Variants in PRKG1 observed in about 807,000 individuals in gnomAD.
The protein encoded by PRKG1 is cGMP-dependent protein kinase 1.
PRKG1 carries 35 observed loss-of-function variants against 88.1 expected under a neutral mutation model. The observed-to-expected ratio is 0.40, with a 90% CI of 0.30 to 0.53. PRKG1 has a LOEUF of 0.53. Among genes scored for constraint, PRKG1 ranks in the 20% least tolerant of loss-of-function variants. The probability of loss-of-function intolerance (pLI) is 0.59; values close to 1 mark genes in which losing one functional copy is unlikely to be tolerated. For missense variants in PRKG1, 540 were observed against 839.8 expected (o/e 0.64, Z 4.41); for synonymous variants, 303 against 292.5 (o/e 1.04, Z -0.37).
intron 3 of PRKG1, among the ~76,000 whole-genome samples, chr10:51,649,084 T>C (rs765930390): frequency 6.6e-6 from 1 of 152,148 alleles, no homozygotes; most frequent in Non-Finnish European, 1.5e-5. Flanking sequence ...AATTAATCAA[T>C]ATATGAATTG....
chr10:52,154,180 C>G (rs996473893), intron 8 of PRKG1, among the ~76,000 whole-genome samples: 1 of 152,112 alleles, frequency 6.6e-6, no homozygotes, highest in Admixed American at 6.6e-5. Flanking sequence ...TAAATAGATT[C>G]TGAATTTATA....
At chr10:51,420,303 A>G (rs1838373440) in intron 2 of PRKG1, among the ~76,000 whole-genome samples, 1 of 152,178 alleles carries the variant, frequency 6.6e-6, no homozygotes, top group South Asian at 2.1e-4. Context: ...GATTTCTTAA[A>G]TCAATCAGCT....
intron 3 of PRKG1, among the ~76,000 whole-genome samples, chr10:51,535,379 GATCTTTATATTTT>G (rs1419837485): frequency 2.0e-5 from 3 of 152,024 alleles, no homozygotes; most frequent in Non-Finnish European, 2.9e-5. Flanking sequence ...AATGTGTCAG[GATCTTTATATTTT>G]ACCAAGCAAA....
rs564484558 is a variant in PRKG1, at chr10:51,376,657, GTTTTTC to G, written c.479-91062_479-91057del. Among the ~76,000 whole-genome samples, 652 of 151,946 alleles carry G rather than the reference GTTTTTC, an allele frequency of 4.3e-3. 6 individuals carry two copies. The highest frequency in any genetic ancestry group is 0.015 in the African/African-American group (608 of 41,444). Reference sequence around the variant, plus strand: ...TTACTAGGGTTTTGTTTGTTTTCTTGTTTTTCTTTGTTGTTGTTTTTTGTTTGTTTG... The same window carrying G: ...TTACTAGGGTTTTGTTTGTTTTCTTGTTTGTTGTTGTTTTTTGTTTGTTTG... On this transcript the variant is annotated intron_variant, in intron 2 of 17. Transcript: ENST00000373980.
At chr10:51,811,762 C>A (rs2339855) in intron 4 of PRKG1, among the ~76,000 whole-genome samples, 2 of 151,788 alleles carry the variant, frequency 1.3e-5, no homozygotes, top group African/African-American at 4.9e-5. Context: ...AAGATCTTGC[C>A]TAAGTTGTCA....
At chr10:52,275,274 G>C (rs1841845805) in intron 12 of PRKG1, among the ~76,000 whole-genome samples, 1 of 152,036 alleles carries the variant, frequency 6.6e-6, no homozygotes, top group African/African-American at 2.4e-5. Flanking sequence ...TGTCTAGAAG[G>C]GTTTTTCCAA....
At chr10:51,332,830 T>C (rs1281156298) in intron 2 of PRKG1, among the ~76,000 whole-genome samples, 1 of 152,218 alleles carries the variant, frequency 6.6e-6, no homozygotes, top group Non-Finnish European at 1.5e-5. Context: ...CAGACCTAAG[T>C]TCTGAGTGAC....
At chr10:52,039,182 G>A (rs539851198) in intron 5 of PRKG1, among the ~76,000 whole-genome samples, 12 of 152,258 alleles carry the variant, frequency 7.9e-5, no homozygotes, top group Admixed American at 3.3e-4. Context: ...TATTTCACCC[G>A]GGTGCAGGCG....
At chr10:51,439,989 T>G (rs1209441902) in intron 2 of PRKG1, among the ~76,000 whole-genome samples, 1 of 151,956 alleles carries the variant, frequency 6.6e-6, no homozygotes, top group Non-Finnish European at 1.5e-5. Flanking sequence ...TCTTTTAAAG[T>G]AAATATTTAA....
At position 52,232,176 on chromosome 10, in the gene PRKG1, G is replaced by A. The variant is rs148174769; in HGVS notation, c.1077-19394G>A. ...AAATTATCCGGGCATGATGGTGGGCGCCTGTAGTCCCAGCTGCCAAGGAGG... is the reference window on the plus strand; with the variant it reads ...AAATTATCCGGGCATGATGGTGGGCACCTGTAGTCCCAGCTGCCAAGGAGG... On this transcript the variant is annotated intron_variant, in intron 9 of 17. Transcript: ENST00000373980. Among the ~76,000 whole-genome samples, 963 of 152,162 alleles carry A rather than the reference G, an allele frequency of 6.3e-3. 8 individuals are homozygous for A. Among genetic ancestry groups the A allele is most frequent in the African/African-American group, 0.022 (909 of 41,524 alleles).
rs370640777 is a variant in PRKG1, at chr10:52,292,926, G to C, written c.1963-876G>C. Among the ~76,000 whole-genome samples the C allele has an allele frequency of 3.5e-4, 54 of 152,252 alleles. No homozygotes were observed. The East Asian group carries it at 9.3e-3, about 26-fold the overall frequency. ...TTCTGGTCAGGGCAATTAGGCAGGAGAAGTAAATAAAGGGTATTCAATTAG... is the reference window on the plus strand; with the variant it reads ...TTCTGGTCAGGGCAATTAGGCAGGACAAGTAAATAAAGGGTATTCAATTAG... On this transcript the variant is annotated intron_variant, in intron 17 of 17. Coordinates refer to ENST00000373980, the MANE Select transcript of PRKG1 (RefSeq NM_006258.4).
intron 3 of PRKG1, among the ~76,000 whole-genome samples, chr10:51,677,951 G>T (rs1840752733): frequency 6.6e-6 from 1 of 152,076 alleles, no homozygotes; most frequent in African/African-American, 2.4e-5. Context: ...TTTATTATTT[G>T]CAGCATAGGG....
intron 2 of PRKG1, among the ~76,000 whole-genome samples, chr10:51,215,314 C>G (rs1012107807): frequency 7.2e-5 from 11 of 152,174 alleles, no homozygotes; most frequent in Non-Finnish European, 1.6e-4. Flanking sequence ...GTGAATTAGT[C>G]TGTGCAGTTG....
chr10:52,011,691 C>T (rs114321144), intron 5 of PRKG1, among the ~76,000 whole-genome samples: 2,861 of 152,250 alleles, frequency 0.019, 94 homozygotes, highest in African/African-American at 0.065. Flanking sequence ...GTTGACAGAG[C>T]AGATTTTTAA....
chr10:51,762,357 G>A (rs922302176), intron 3 of PRKG1, among the ~76,000 whole-genome samples: 1 of 152,120 alleles, frequency 6.6e-6, no homozygotes, highest in African/African-American at 2.4e-5. Flanking sequence ...CCTAGATGTA[G>A]GTGTTTGGGC....
At chr10:52,041,449 G>A (rs1206831422) in intron 5 of PRKG1, among the ~76,000 whole-genome samples, 1 of 152,076 alleles carries the variant, frequency 6.6e-6, no homozygotes, top group African/African-American at 2.4e-5. Flanking sequence ...TTTTATTGTT[G>A]TGGTCTTGAC....
In PRKG1 at chr10:51,957,260, AGC is replaced by A. The variant is rs1843336356; in HGVS notation, c.762+49691_762+49692del. Among the ~76,000 whole-genome samples the A allele has an allele frequency of 2.1e-5, 3 of 141,188 alleles. No homozygotes were observed. The East Asian group carries it at 6.3e-4, about 30-fold the overall frequency. The allele number at this position is 141,188 out of a possible 152,430, so 92.6% of individuals were successfully genotyped here. On this transcript the variant is annotated intron_variant, in intron 5 of 17. Coordinates refer to ENST00000373980, the MANE Select transcript of PRKG1 (RefSeq NM_006258.4). The stretch of plus-strand genomic sequence containing the variant: ...TACTTCTCTCTTTTCTTTCATACAT[AGC>A]TTTTCCTTTCTTTCCTTTTCTTTTC...
intron 5 of PRKG1, among the ~76,000 whole-genome samples, chr10:52,028,400 G>T (rs1015347777): frequency 2.4e-4 from 37 of 152,122 alleles, no homozygotes; most frequent in African/African-American, 8.7e-4. Flanking sequence ...TATGTGCAAA[G>T]TTAAGCCAGT....
chr10:51,480,567 A>T (rs901369061), intron 3 of PRKG1, among the ~76,000 whole-genome samples: 1 of 152,108 alleles, frequency 6.6e-6, no homozygotes, highest in African/African-American at 2.4e-5. Flanking sequence ...ACCTAAAAAA[A>T]AAAAAAGCTT....
Sources: gnomAD v4.1 joint callset for allele counts (sites outside exome capture counted in the v4.1 genomes callset) on GRCh38, gnomAD v4.1.1 for gene constraint, MANE v1.5 for transcripts, NCBI Gene and HGNC (gene_info 2026-07-23, HGNC 2026-07-21) for gene names.